Variants in AFG2B observed in about 807,000 individuals in gnomAD.
AFG2B encodes the protein AAA ATPase AFG2B, also known as ATPase family gene 2 protein homolog B.
At chr15:45,409,128 C>A in the AFG2B span, among the ~76,000 whole-genome samples, 1 of 152,282 alleles carries the variant, frequency 6.6e-6, no homozygotes, top group Admixed American at 6.5e-5. Flanking sequence ...ATAATCCCAG[C>A]ACTTTGGGAG....
At chr15:45,408,236 T>C in the AFG2B span, among the ~76,000 whole-genome samples, 10 of 152,212 alleles carry the variant, frequency 6.6e-5, no homozygotes, top group Admixed American at 2.0e-4. Context: ...TTAAAACTTA[T>C]AGGAAAGTTG....
the AFG2B span, chr15:45,417,534 T>G: frequency 1.2e-6 from 1 of 804,662 alleles, no homozygotes; most frequent in East Asian, 2.7e-5. Context: ...ACATCATAAT[T>G]TTGATCTTCC....
chr15:45,417,528 C>T, the AFG2B span: 1 of 874,058 alleles, frequency 1.1e-6, no homozygotes, highest in Non-Finnish European at 1.7e-6. Context: ...TTCATGACAT[C>T]ATAATTTTGA....
chr15:45,402,848 GA>G, the AFG2B span: 1 of 1,598,542 alleles, frequency 6.3e-7, no homozygotes, highest in Non-Finnish European at 8.5e-7. Context: ...GAGCTGCTGA[GA>G]AACCGACCGA....
the AFG2B span, chr15:45,418,538 G>T: frequency 6.4e-7 from 1 of 1,572,258 alleles, no homozygotes; most frequent in East Asian, 2.2e-5. Context: ...TTAAAATACT[G>T]TTTTTTATTT....
chr15:45,415,654 G>C, the AFG2B span: 1 of 1,613,956 alleles, frequency 6.2e-7, no homozygotes, highest in Non-Finnish European at 8.5e-7. Flanking sequence ...TCAATCTTGG[G>C]AGCTCGCTCA....
chr15:45,403,097 C>G, the AFG2B span: 116 of 1,521,876 alleles, frequency 7.6e-5, no homozygotes, highest in Non-Finnish European at 9.7e-5. Flanking sequence ...CTCCGCTACC[C>G]GCGCGCCCTG....
At chr15:45,419,633 A>G in the AFG2B span, among the ~76,000 whole-genome samples, 1 of 152,120 alleles carries the variant, frequency 6.6e-6, no homozygotes. Context: ...TTTTATAATC[A>G]CTACTTATGT....
the AFG2B span, among the ~76,000 whole-genome samples, chr15:45,407,990 A>G: frequency 6.6e-6 from 1 of 152,196 alleles, no homozygotes; most frequent in African/African-American, 2.4e-5. Flanking sequence ...TGAGTTGACC[A>G]TTTGGGGGTG....
chr15:45,420,259 T>C, the AFG2B span, among the ~76,000 whole-genome samples: 1 of 152,210 alleles, frequency 6.6e-6, no homozygotes, highest in East Asian at 1.9e-4. Flanking sequence ...TCTACTTTTT[T>C]GCTATTATGA....
chr15:45,408,600 T>C, the AFG2B span, among the ~76,000 whole-genome samples: 5 of 152,340 alleles, frequency 3.3e-5, no homozygotes, highest in East Asian at 9.6e-4. Context: ...TGGTTCCTCA[T>C]TGGTGATGCT....
the AFG2B span, chr15:45,402,616 C>T: frequency 1.9e-6 from 3 of 1,576,702 alleles, no homozygotes; most frequent in African/African-American, 1.4e-5. Context: ...CACTGCCTGG[C>T]CTCGGCGGGA....
chr15:45,413,890 T>C, the AFG2B span, among the ~76,000 whole-genome samples: 1 of 152,150 alleles, frequency 6.6e-6, no homozygotes, highest in Non-Finnish European at 1.5e-5. Context: ...TGTAAAATAA[T>C]GATTAAAGTG....
chr15:45,409,696 AC>A, the AFG2B span, among the ~76,000 whole-genome samples: 10 of 151,456 alleles, frequency 6.6e-5, no homozygotes, highest in Non-Finnish European at 1.2e-4. Flanking sequence ...CCGCATCTCT[AC>A]AAAAAAAAAA....
the AFG2B span, chr15:45,402,412 C>G: frequency 1.3e-6 from 2 of 1,579,462 alleles, no homozygotes; most frequent in African/African-American, 1.4e-5. Context: ...TTTCGTCTGC[C>G]TGGTTCATCT....
chr15:45,415,656 G>T, the AFG2B span: 1 of 1,614,150 alleles, frequency 6.2e-7, no homozygotes, highest in Non-Finnish European at 8.5e-7. Context: ...AATCTTGGGA[G>T]CTCGCTCAGC....
chr15:45,404,114 G>T, the AFG2B span, among the ~76,000 whole-genome samples: 7 of 152,126 alleles, frequency 4.6e-5, no homozygotes, highest in South Asian at 6.2e-4. Flanking sequence ...TTAAGCTTTG[G>T]TCCTAAATTG....
the AFG2B span, chr15:45,403,558 C>T: frequency 8.2e-6 from 13 of 1,583,474 alleles, no homozygotes; most frequent in Admixed American, 1.9e-5. Flanking sequence ...TCGGTGGAAC[C>T]TCGGCCGCTT....
chr15:45,414,731 C>G, the AFG2B span: 1 of 1,614,180 alleles, frequency 6.2e-7, no homozygotes, highest in Non-Finnish European at 8.5e-7. Context: ...GTGAGTGGAG[C>G]TGATCTGTTT....
Sources: allele counts gnomAD v4.1 joint callset (sites outside exome capture counted in the v4.1 genomes callset), GRCh38; gene constraint gnomAD v4.1.1; transcripts MANE v1.5; gene names NCBI Gene and HGNC (gene_info 2026-07-23, HGNC 2026-07-21).